The following LOC728743 variants were observed in gnomAD, a reference collection of about 807,000 sequenced individuals.
At chr7:150,404,020 G>C in the LOC728743 span, among the ~76,000 whole-genome samples, 2 of 152,232 alleles carry the variant, frequency 1.3e-5, no homozygotes, top group African/African-American at 4.8e-5. Context: ...GCTGCAGAGA[G>C]GACCCTCATG....
chr7:150,406,329 G>A, the LOC728743 span, among the ~76,000 whole-genome samples: 2 of 152,166 alleles, frequency 1.3e-5, no homozygotes, highest in Non-Finnish European at 1.5e-5. Flanking sequence ...GGCCCTGCAG[G>A]AGCCCAAGTT....
chr7:150,407,772 G>C, the LOC728743 span: 2 of 400,856 alleles, frequency 5.0e-6, no homozygotes, highest in Non-Finnish European at 8.8e-6. Context: ...AGCCTGGTGC[G>C]GCACCAGAAG....
chr7:150,402,433 C>T, the LOC728743 span, among the ~76,000 whole-genome samples: 2 of 152,148 alleles, frequency 1.3e-5, no homozygotes, highest in African/African-American at 4.8e-5. Flanking sequence ...CTCCTCCAAA[C>T]CCTTGGGGGC....
chr7:150,407,215 G>C, the LOC728743 span, among the ~76,000 whole-genome samples: 1 of 152,192 alleles, frequency 6.6e-6, no homozygotes, highest in Non-Finnish European at 1.5e-5. Context: ...AAAGAAGGCA[G>C]CTCTGTCCTT....
At chr7:150,411,781 C>CGCCCCTT in the LOC728743 span, 1 of 152,412 alleles carries the variant, frequency 6.6e-6, no homozygotes, top group African/African-American at 2.4e-5. Flanking sequence ...CCTCCACACA[C>CGCCCCTT]GCCCCTTTTG....
the LOC728743 span, chr7:150,407,728 C>T: frequency 2.5e-6 from 1 of 399,724 alleles, no homozygotes; most frequent in African/African-American, 2.1e-5. Flanking sequence ...CCTACCGCTG[C>T]CCGCTGTGCG....
chr7:150,403,741 C>T, the LOC728743 span, among the ~76,000 whole-genome samples: 1 of 152,190 alleles, frequency 6.6e-6, no homozygotes, highest in Non-Finnish European at 1.5e-5. This position sits in a 1 kb window ranked among gnomAD's most constrained non-coding sequence, Gnocchi z 5.1. Context: ...ACGTGGAACT[C>T]CTAAAGTCCC....
chr7:150,410,598 CCTT>C, the LOC728743 span: 2 of 178,222 alleles, frequency 1.1e-5, no homozygotes, highest in African/African-American at 4.7e-5. Context: ...AGAGGCAAAA[CCTT>C]CTTCCAGATG....
chr7:150,408,593 G>A, the LOC728743 span: 1 of 179,372 alleles, frequency 5.6e-6, no homozygotes, highest in East Asian at 1.5e-4. Flanking sequence ...CTGGGTACCG[G>A]GCTGTAGGTT....
chr7:150,402,837 G>A, the LOC728743 span, among the ~76,000 whole-genome samples: 1 of 152,176 alleles, frequency 6.6e-6, no homozygotes, highest in African/African-American at 2.4e-5. Context: ...TGATCTGTTT[G>A]TCCACCTGTT....
the LOC728743 span, among the ~76,000 whole-genome samples, chr7:150,409,568 G>A: frequency 2.6e-5 from 4 of 152,208 alleles, no homozygotes; most frequent in Admixed American, 6.5e-5. Context: ...TGGAAGCCAG[G>A]GCTTTGTTTT....
chr7:150,404,389 T>TGGGTCACGGTGCC, the LOC728743 span: 1 of 152,182 alleles, frequency 6.6e-6, no homozygotes, highest in Non-Finnish European at 1.5e-5. Context: ...GCCACGGTGC[T>TGGGTCACGGTGCC]GGGTCACGGT....
chr7:150,407,158 C>CT, the LOC728743 span, among the ~76,000 whole-genome samples: 1 of 152,182 alleles, frequency 6.6e-6, no homozygotes, highest in South Asian at 2.1e-4. Flanking sequence ...CACCATCTGT[C>CT]TAGTGTCTTG....
chr7:150,409,620 A>G, the LOC728743 span, among the ~76,000 whole-genome samples: 1 of 152,226 alleles, frequency 6.6e-6, no homozygotes, highest in Admixed American at 6.5e-5. Flanking sequence ...CTGCTTAAAA[A>G]GTGGACGATG....
the LOC728743 span, among the ~76,000 whole-genome samples, chr7:150,409,241 T>G: frequency 6.6e-6 from 1 of 151,738 alleles, no homozygotes; most frequent in African/African-American, 2.4e-5. Flanking sequence ...GACACTGAGA[T>G]TTTTAATGAG....
At chr7:150,407,626 GTCC>G in the LOC728743 span, 29 of 398,832 alleles carry the variant, frequency 7.3e-5, no homozygotes, top group Non-Finnish European at 1.2e-4. Flanking sequence ...CCGAGCTGGC[GTCC>G]TCCGGGGGCG....
At chr7:150,408,470 C>T in the LOC728743 span, 1 of 323,824 alleles carries the variant, frequency 3.1e-6, no homozygotes, top group Non-Finnish European at 5.6e-6. Context: ...CCTTCTCTGG[C>T]CCATCCGGCC....
the LOC728743 span, among the ~76,000 whole-genome samples, chr7:150,401,496 A>C: frequency 6.6e-6 from 1 of 152,214 alleles, no homozygotes; most frequent in Non-Finnish European, 1.5e-5. Flanking sequence ...TTTAGTAAAG[A>C]AATATCTTTG....
the LOC728743 span, chr7:150,410,191 A>G: frequency 2.5e-6 from 1 of 398,632 alleles, no homozygotes; most frequent in East Asian, 3.6e-5. Flanking sequence ...AAGACCCGAT[A>G]GGTGCAGAAC....
Sources: allele counts gnomAD v4.1 joint callset (sites outside exome capture counted in the v4.1 genomes callset), GRCh38; gene constraint gnomAD v4.1.1; non-coding constraint Gnocchi (gnomAD v3.1); transcripts MANE v1.5.